The following AXDND1 variants were observed in gnomAD, a reference collection of about 807,000 sequenced individuals.
AXDND1 encodes axonemal dynein light chain domain-containing protein 1.
Under a neutral mutation model 137.5 loss-of-function variants are expected in AXDND1, and 110 were observed. The observed-to-expected ratio is 0.80, with a 90% CI of 0.69 to 0.94. The LOEUF is 0.94. Among genes scored for constraint, AXDND1 ranks in the 40% least tolerant of loss-of-function variants. The pLI is 0.00. For missense variants in AXDND1, 1,191 were observed against 1,169.8 expected (o/e 1.02, Z -0.26); for synonymous variants, 414 against 399.7 (o/e 1.04, Z -0.43).
chr1:179,424,027 G>A (rs1410093611), intron 12 of AXDND1, among the ~76,000 whole-genome samples: 1 of 152,036 alleles, frequency 6.6e-6, no homozygotes, highest in South Asian at 2.1e-4. Context: ...TCTTGTAAGA[G>A]AGGTCTGGTG....
chr1:179,414,527 G>C (rs961188815), intron 12 of AXDND1, among the ~76,000 whole-genome samples: 1 of 152,030 alleles, frequency 6.6e-6, no homozygotes, highest in South Asian at 2.1e-4. Context: ...TGGGGTTCAC[G>C]CCATTCTCCT....
chr1:179,551,295 A>G (rs769631883), intron 25 of AXDND1: 84 of 1,614,126 alleles, frequency 5.2e-5, no homozygotes, highest in Non-Finnish European at 7.1e-5. Flanking sequence ...AGTAGGTCAA[A>G]TGGCAAAGGT....
intron 23 of AXDND1, among the ~76,000 whole-genome samples, chr1:179,529,447 T>G (rs1670855067): frequency 6.6e-6 from 1 of 152,242 alleles, no homozygotes; most frequent in Admixed American, 6.5e-5. Context: ...GTTTAACATG[T>G]GTACATAAGA....
Position 179,534,910 on chromosome 1 carries a change from A to G in AXDND1, c.2979A>G (p.Gln993=), listed in dbSNP as rs1269086870. The part of the protein sequence containing the change: ...EREVKEEEEQ[Q]EEEEVRSAEN... ...AAGTAAAAGAAGAAGAAGAACAACA[A>G]GAAGAAGAAGAAGTCAGGTCAGCAG... The change falls in exon 25 of 26, where the codon CAA becomes CAG. Residue 993 remains glutamine, a synonymous_variant. Coordinates refer to ENST00000367618, the MANE Select transcript of AXDND1 (RefSeq NM_144696.6). 1.3e-6 allele frequency: 2 copies of G among 1,597,720 alleles called. No homozygotes were observed. Among genetic ancestry groups the G allele is most frequent in the Non-Finnish European group, 1.7e-6 (2 of 1,169,246 alleles).
In AXDND1 at chr1:179,385,351, T is replaced by G. The variant is rs1168636042; in HGVS notation, c.855T>G (p.Ser285=). ...GTGCAGACAGAGGAGAACTTCTGTC[T>G]AAAGTCAGGTTAGTGCTGTTATTGG... ...VDCADRGELL[S]KVRERYVQML... The change falls in exon 9 of 26, where the codon TCT becomes TCG. Residue 285 remains serine, a synonymous_variant. Coordinates refer to ENST00000367618, the MANE Select transcript of AXDND1 (RefSeq NM_144696.6). 1 of 1,614,082 alleles carries G rather than the reference T, an allele frequency of 6.2e-7. No individual in the cohort carries two copies. Among genetic ancestry groups the G allele is most frequent in the Non-Finnish European group, 8.5e-7 (1 of 1,179,978 alleles).
intron 21 of AXDND1, among the ~76,000 whole-genome samples, chr1:179,514,669 A>C (rs1191093370): frequency 2.6e-5 from 4 of 152,106 alleles, no homozygotes; most frequent in Non-Finnish European, 5.9e-5. Flanking sequence ...GGAGTATTGA[A>C]GTCCCCCACT....
chr1:179,528,312 G>A lies in AXDND1; in HGVS notation c.2611-15G>A. 6.3e-7 allele frequency: 1 copy of A among 1,596,962 alleles called. No individual in the cohort carries two copies. The highest frequency in any genetic ancestry group is 8.6e-7 in the Non-Finnish European group (1 of 1,165,106). ...CACCAGCTTGCTAACAGGTCCGCAT[G>A]TTTCTGTGTTCTAGCAACCTTCAAC... is the stretch of plus-strand genomic sequence containing the variant. On this transcript the variant is annotated splice_polypyrimidine_tract_variant and intron_variant, in intron 22 of 25. Coordinates refer to ENST00000367618, the MANE Select transcript of AXDND1 (RefSeq NM_144696.6).
chr1:179,377,128 C>T (rs902449577), intron 4 of AXDND1, among the ~76,000 whole-genome samples: 8 of 152,020 alleles, frequency 5.3e-5, no homozygotes, highest in African/African-American at 9.7e-5. Context: ...GATGGGGTTT[C>T]GCCATATTGG....
At chr1:179,475,181 G>A (rs760563539) in intron 17 of AXDND1, among the ~76,000 whole-genome samples, 92 of 152,240 alleles carry the variant, frequency 6.0e-4, no homozygotes, top group Non-Finnish European at 1.2e-3. Context: ...ACCTCTGCTA[G>A]GGCAGTACGA....
chr1:179,468,610 G>A lies in AXDND1; in HGVS notation c.1966G>A (p.Val656Ile). The A allele has an allele frequency of 6.2e-6, 10 of 1,611,488 alleles. No homozygotes were observed. The highest frequency in any genetic ancestry group is 7.6e-6 in the Non-Finnish European group (9 of 1,179,434). Reference sequence around the variant, plus strand: ...TATATTGTTAAACCTTACTGGTATTGTTCCACAGCACATAGATGTGGATTC... The same window carrying A: ...TATATTGTTAAACCTTACTGGTATTATTCCACAGCACATAGATGTGGATTC... ...LDILLNLTGI[V>I]PQHIDVDSVS... Residue 656 changes from valine (V) to isoleucine (I), a missense_variant, in exon 17 of 26, where the codon GTT becomes ATT. Val to Ile is a conservative substitution (Grantham distance 29, BLOSUM62 3). Coordinates refer to ENST00000367618, the MANE Select transcript of AXDND1 (RefSeq NM_144696.6).
chr1:179,447,312 T>C (rs1170795914), intron 16 of AXDND1, among the ~76,000 whole-genome samples: 2 of 152,236 alleles, frequency 1.3e-5, no homozygotes, highest in Non-Finnish European at 2.9e-5. Flanking sequence ...GAACATGCAA[T>C]ATCTATCTTT....
At chr1:179,375,839 A>G (rs563258887) in intron 4 of AXDND1, among the ~76,000 whole-genome samples, 1 of 152,208 alleles carries the variant, frequency 6.6e-6, no homozygotes, top group Non-Finnish European at 1.5e-5. Flanking sequence ...TTTCCCCTGT[A>G]CATATCCAAG....
At chr1:179,421,761 G>A (rs1253999234) in intron 12 of AXDND1, among the ~76,000 whole-genome samples, 2 of 151,758 alleles carry the variant, frequency 1.3e-5, no homozygotes, top group Admixed American at 1.3e-4. Flanking sequence ...TTTTCAGCTG[G>A]GCGCAGTGGC....
chr1:179,533,381 T>A (rs1236735190), intron 23 of AXDND1, among the ~76,000 whole-genome samples: 3 of 152,200 alleles, frequency 2.0e-5, no homozygotes, highest in African/African-American at 7.2e-5. Flanking sequence ...TTTTGCAATG[T>A]TACATTCTTA....
At chr1:179,551,512 A>G in intron 25 of AXDND1, 14 of 1,595,298 alleles carry the variant, frequency 8.8e-6, no homozygotes, top group Non-Finnish European at 1.1e-5. Context: ...CTTCACCACT[A>G]TGCAGTATGA....
In AXDND1 at chr1:179,551,335, C is replaced by A. The variant is rs749236659; in HGVS notation, c.3032-3177C>A. ...CCACAGTGGAAGGCTTCTCTGTGGA[C>A]AGAGACTGAAGGGTGTGGAGGTATC... On this transcript the variant is annotated intron_variant, in intron 25 of 25. Coordinates refer to ENST00000367618, the MANE Select transcript of AXDND1 (RefSeq NM_144696.6). 69 of 1,613,996 alleles carry A rather than the reference C, an allele frequency of 4.3e-5. No homozygotes were observed. The highest frequency in any genetic ancestry group is 5.6e-5 in the Non-Finnish European group (66 of 1,180,008).
intron 21 of AXDND1, among the ~76,000 whole-genome samples, chr1:179,511,393 G>GGTGTGTGTGT (rs59772845): frequency 4.7e-4 from 68 of 145,120 alleles, no homozygotes; most frequent in East Asian, 2.7e-3. Context: ...TGGTATATGG[G>GGTGTGTGTGT]GTGTGTGTGT....
Position 179,456,919 on chromosome 1 carries a change from C to T in AXDND1, c.1799-11524C>T, listed in dbSNP as rs181050651. The T allele has an allele frequency of 7.7e-5, 94 of 1,223,268 alleles. No homozygotes were observed. In the African/African-American group the frequency reaches 1.3e-3, roughly 17 times the overall value. The allele number at this position is 1,223,268 out of a possible 1,614,324, so 75.8% of individuals were successfully genotyped here. A position where few individuals can be genotyped will look rare whatever the true frequency, so the allele number is the denominator to read the frequency against. ...GCAAAGCCTCTTTTCTTGCCACTGC[C>T]TCAGTCATGATTTCAATCACTTCAT... On this transcript the variant is annotated intron_variant, in intron 16 of 25. Coordinates refer to ENST00000367618, the MANE Select transcript of AXDND1 (RefSeq NM_144696.6).
chr1:179,462,909 T>A (rs1662569187), intron 16 of AXDND1, among the ~76,000 whole-genome samples: 1 of 152,200 alleles, frequency 6.6e-6, no homozygotes, highest in African/African-American at 2.4e-5. Flanking sequence ...TTTATTTGCG[T>A]AGAGGTGTTT....
Sources: allele counts gnomAD v4.1 joint callset (sites outside exome capture counted in the v4.1 genomes callset), GRCh38; gene constraint gnomAD v4.1.1; transcripts MANE v1.5; gene names NCBI Gene and HGNC (gene_info 2026-07-23, HGNC 2026-07-21).